The following CRYL1 variants were observed in gnomAD, a reference collection of about 807,000 sequenced individuals.
The protein encoded by CRYL1 is crystallin lambda 1.
In CRYL1, 29 loss-of-function variants were observed where a neutral mutation model predicts 36.6. The ratio of observed to expected loss-of-function variants is 0.79; its 90% confidence interval spans 0.59 to 1.08. The LOEUF (loss-of-function observed/expected upper bound fraction) is 1.08. Among genes scored for constraint, CRYL1 ranks in the 50% least tolerant of loss-of-function variants. The pLI is 0.00. For synonymous variants in CRYL1, 152 were observed against 151.5 expected (o/e 1.00, Z -0.02); for missense variants, 411 against 407.9 (o/e 1.01, Z -0.06).
In CRYL1 at chr13:20,512,428, C is replaced by CG; in HGVS notation, c.149+14dup. ...ACCCACTTCCATTCCTTCTGGAGAG[C>CG]GCCGGCTGGCCCACCTGATGTTTTC... On this transcript the variant is annotated intron_variant, in intron 2 of 7. Coordinates refer to ENST00000298248, the MANE Select transcript of CRYL1 (RefSeq NM_015974.3). 1 of 1,579,452 alleles carries CG rather than the reference C, an allele frequency of 6.3e-7. No homozygotes were observed. The highest frequency in any genetic ancestry group is 8.7e-7 in the Non-Finnish European group (1 of 1,149,856).
intron 3 of CRYL1, among the ~76,000 whole-genome samples, chr13:20,460,543 T>G (rs2032787801): frequency 1.4e-5 from 1 of 72,080 alleles, no homozygotes; most frequent in South Asian, 5.3e-4. Flanking sequence ...TTTTTTTTTT[T>G]GAGACGGAGT....
At chr13:20,505,877 A>G (rs567656154) in intron 2 of CRYL1, among the ~76,000 whole-genome samples, 1 of 152,284 alleles carries the variant, frequency 6.6e-6, no homozygotes, top group South Asian at 2.1e-4. Context: ...GGGTTTCTGA[A>G]CATCTAAGCA....
intron 5 of CRYL1, among the ~76,000 whole-genome samples, chr13:20,421,865 A>G (rs766374715): frequency 6.6e-6 from 1 of 151,912 alleles, no homozygotes; most frequent in Non-Finnish European, 1.5e-5. Flanking sequence ...GGGATTTTTA[A>G]TGAGTATGTG....
chr13:20,504,708 A>G (rs1014926671), intron 2 of CRYL1, among the ~76,000 whole-genome samples: 2 of 152,210 alleles, frequency 1.3e-5, no homozygotes, highest in African/African-American at 2.4e-5. Flanking sequence ...AGGTTCTCCA[A>G]GGTCAAGCGA....
intron 2 of CRYL1, among the ~76,000 whole-genome samples, chr13:20,500,653 T>C (rs1289680328): frequency 6.6e-6 from 1 of 152,190 alleles, no homozygotes; most frequent in African/African-American, 2.4e-5. Flanking sequence ...AGAAAAACTT[T>C]AGTATTAGAT....
chr13:20,427,211 C>T lies in CRYL1; in HGVS notation c.633+4891G>A, dbSNP rs966976354. On this transcript the variant is annotated intron_variant, in intron 5 of 7. Transcript: ENST00000298248. Reference sequence around the variant, plus strand: ...TCACGTGACCCAGGGAGCACGCCTCCGGCAGGGGAAGTAAGTGTCAGTAGA... The same window carrying T: ...TCACGTGACCCAGGGAGCACGCCTCTGGCAGGGGAAGTAAGTGTCAGTAGA... The T allele has an allele frequency of 1.3e-5, 13 of 985,370 alleles. No homozygotes were observed. The African/African-American group carries it at 1.6e-4, about 12-fold the overall frequency. The allele number at this position is 985,370 out of a possible 1,614,324, so 61.0% of individuals were successfully genotyped here. A position where few individuals can be genotyped will look rare whatever the true frequency, so the allele number is the denominator to read the frequency against.
chr13:20,478,878 A>G (rs892009459), intron 3 of CRYL1, among the ~76,000 whole-genome samples: 6 of 151,078 alleles, frequency 4.0e-5, no homozygotes, highest in South Asian at 2.1e-4. Flanking sequence ...TCAGCCTCCC[A>G]GGTAGCTGGG....
At chr13:20,512,812 A>G (rs1376501214) in intron 1 of CRYL1, among the ~76,000 whole-genome samples, 4 of 152,130 alleles carry the variant, frequency 2.6e-5, no homozygotes, top group Non-Finnish European at 5.9e-5. Context: ...TGGGAGAGGG[A>G]GGAAGAGAGG....
At chr13:20,489,651 C>T (rs1037390648) in intron 2 of CRYL1, among the ~76,000 whole-genome samples, 155 bp from the exon 3 acceptor site, 3 of 152,180 alleles carry the variant, frequency 2.0e-5, no homozygotes, top group Admixed American at 6.5e-5. Context: ...TAGAAACTAG[C>T]AATTGTTGGC....
intron 3 of CRYL1, among the ~76,000 whole-genome samples, chr13:20,477,826 AAATAT>A (rs989022846): frequency 6.9e-6 from 1 of 145,918 alleles, no homozygotes; most frequent in Admixed American, 7.0e-5. Flanking sequence ...TATTATACTA[AAATAT>A]AATATACTAT....
chr13:20,483,377 T>G (rs1029913501), intron 3 of CRYL1, among the ~76,000 whole-genome samples: 1 of 152,178 alleles, frequency 6.6e-6, no homozygotes, highest in Non-Finnish European at 1.5e-5. Context: ...TCGCGCAGGC[T>G]GGAGGGCAGT....
chr13:20,516,519 G>A (rs1026024617), intron 1 of CRYL1, among the ~76,000 whole-genome samples: 19 of 151,550 alleles, frequency 1.3e-4, no homozygotes, highest in African/African-American at 3.2e-4. Flanking sequence ...TTGCTCTGTC[G>A]CCCAGGCTGG....
At chr13:20,491,859 C>T (rs1157578015) in intron 2 of CRYL1, among the ~76,000 whole-genome samples, 1 of 152,088 alleles carries the variant, frequency 6.6e-6, no homozygotes, top group Non-Finnish European at 1.5e-5. Flanking sequence ...TGTGTCTTGG[C>T]CAGTTCATCT....
Position 20,489,489 on chromosome 13 carries a change from T to C in CRYL1, c.157A>G (p.Met53Val). Residue 53 changes from methionine to valine, a missense_variant, in exon 3 of 8, where the codon ATG becomes GTG. Coordinates refer to ENST00000298248, the MANE Select transcript of CRYL1 (RefSeq NM_015974.3). The part of the protein sequence containing the change: ...RNALENIRKE[M>V]KLLEQAGSLK... ...GAACCTGCCTGCTCCAGCAACTTCA[T>C]CTCCTTTCTGGAAAGGCAGAGAGAA... The C allele has an allele frequency of 1.2e-6, 2 of 1,612,982 alleles. No homozygotes were observed. The highest frequency in any genetic ancestry group is 1.7e-6 in the Non-Finnish European group (2 of 1,179,996).
intron 3 of CRYL1, among the ~76,000 whole-genome samples, chr13:20,478,585 C>G (rs1593473442): frequency 6.6e-6 from 1 of 152,232 alleles, no homozygotes; most frequent in East Asian, 1.9e-4. Context: ...AAGTGATCCT[C>G]CCACCTCAGC....
chr13:20,459,105 G>C (rs546417854), intron 3 of CRYL1, among the ~76,000 whole-genome samples: 2 of 151,882 alleles, frequency 1.3e-5, no homozygotes, highest in African/African-American at 4.8e-5. Context: ...GCGTGGTGGC[G>C]GGTGCCTGTA....
chr13:20,430,880 C>T lies in CRYL1; in HGVS notation c.633+1222G>A, dbSNP rs1046248636. The T allele has an allele frequency of 4.1e-6, 4 of 985,010 alleles. No homozygotes were observed. The African/African-American group carries it at 7.0e-5, about 17-fold the overall frequency. 61.0% of individuals were successfully genotyped at this position (985,010 alleles called of 1,614,324 possible). On this transcript the variant is annotated intron_variant, in intron 5 of 7. Coordinates refer to ENST00000298248, the MANE Select transcript of CRYL1 (RefSeq NM_015974.3). The stretch of plus-strand genomic sequence containing the variant: ...AATCTCCAAAAAGGTTCTGATAGAT[C>T]CGTGTTTCTTTAAAAATACCTTGAC...
chr13:20,494,470 C>T (rs781336488), intron 2 of CRYL1, among the ~76,000 whole-genome samples: 1 of 152,196 alleles, frequency 6.6e-6, no homozygotes, highest in Non-Finnish European at 1.5e-5. Context: ...CCCAGCCTCA[C>T]CCAACCATCT....
intron 3 of CRYL1, among the ~76,000 whole-genome samples, chr13:20,484,954 C>A (rs1019563638): frequency 6.6e-6 from 1 of 152,098 alleles, no homozygotes; most frequent in African/African-American, 2.4e-5. Context: ...AGGTTTCACT[C>A]TGGGGGTTTC....
Sources: allele counts gnomAD v4.1 joint callset (sites outside exome capture counted in the v4.1 genomes callset), GRCh38; gene constraint gnomAD v4.1.1; transcripts MANE v1.5; gene names NCBI Gene and HGNC (gene_info 2026-07-23, HGNC 2026-07-21).